EPHB1: variants seen among roughly 807,000 people sequenced by gnomAD.
The protein encoded by EPHB1 is ephrin type-B receptor 1.
EPHB1 carries 30 observed loss-of-function variants against 94.4 expected under a neutral mutation model. That is an observed-to-expected ratio of 0.32 (90% confidence interval 0.24 to 0.43). The LOEUF (loss-of-function observed/expected upper bound fraction) is 0.43. Ranked by LOEUF, EPHB1 falls within the 20% of genes least tolerant of loss-of-function variation. The pLI is 1.00. For synonymous variants in EPHB1, 522 were observed against 489.1 expected, an observed-to-expected ratio of 1.07 and a Z score of -0.89; for missense variants, 1,055 against 1,308.3, an observed-to-expected ratio of 0.81 and a Z score of 2.99.
intron 4 of EPHB1, among the ~76,000 whole-genome samples, chr3:135,132,104 A>C (rs1417557220): frequency 6.6e-6 from 1 of 151,928 alleles, no homozygotes; most frequent in East Asian, 1.9e-4. Flanking sequence ...AAGTGACTAC[A>C]TGAACCTCTT....
intron 3 of EPHB1, among the ~76,000 whole-genome samples, chr3:135,093,531 G>A (rs917083153): frequency 2.0e-5 from 3 of 152,014 alleles, no homozygotes; most frequent in Non-Finnish European, 4.4e-5. Context: ...CAGCGTGGCC[G>A]ACATGATGAA....
chr3:134,974,924 C>CCTT (rs1934124740), intron 3 of EPHB1, among the ~76,000 whole-genome samples: 1 of 152,166 alleles, frequency 6.6e-6, no homozygotes, highest in East Asian at 1.9e-4. Flanking sequence ...TGCCCTTCTT[C>CCTT]CTTCTCTGCT....
intron 3 of EPHB1, among the ~76,000 whole-genome samples, chr3:134,968,274 A>G (rs1933838670): frequency 6.6e-6 from 1 of 152,198 alleles, no homozygotes; most frequent in African/African-American, 2.4e-5. Flanking sequence ...TTAAAAATGG[A>G]TGTTGATGTC....
intron 3 of EPHB1, among the ~76,000 whole-genome samples, chr3:134,990,333 G>T (rs928229249): frequency 2.0e-5 from 3 of 152,090 alleles, no homozygotes; most frequent in African/African-American, 7.2e-5. Flanking sequence ...CTTTGCCCCT[G>T]CTGATTCTTC....
chr3:135,104,092 G>A (rs1939122245), intron 3 of EPHB1, among the ~76,000 whole-genome samples: 1 of 152,170 alleles, frequency 6.6e-6, no homozygotes, highest in African/African-American at 2.4e-5. Flanking sequence ...GAATGCTTGA[G>A]TCATCACCTC....
chr3:135,222,776 G>A (rs1501215), intron 12 of EPHB1, among the ~76,000 whole-genome samples: 1 of 152,204 alleles, frequency 6.6e-6, no homozygotes, highest in East Asian at 1.9e-4. Context: ...ATGTCTCCAA[G>A]AGGAAGCACA....
intron 15 of EPHB1, among the ~76,000 whole-genome samples, 166 bp from the exon 16 acceptor site, chr3:135,258,846 A>T (rs561771093): frequency 1.3e-5 from 2 of 152,242 alleles, no homozygotes; most frequent in Non-Finnish European, 2.9e-5. Flanking sequence ...GAAAGTGAGC[A>T]GGAAAATCTC....
At chr3:134,894,022 T>C (rs1481742971) in intron 1 of EPHB1, among the ~76,000 whole-genome samples, 1 of 152,218 alleles carries the variant, frequency 6.6e-6, no homozygotes, top group Non-Finnish European at 1.5e-5. Context: ...TCATCCTTAT[T>C]CCACACCTCT....
intron 12 of EPHB1, among the ~76,000 whole-genome samples, chr3:135,224,667 A>G (rs1196532709): frequency 2.0e-5 from 3 of 152,216 alleles, no homozygotes; most frequent in Non-Finnish European, 4.4e-5. Flanking sequence ...GCATCCATTG[A>G]TGAGTCTTAT....
At position 135,094,866 on chromosome 3, in the gene EPHB1, T is replaced by A. The variant is rs932086124; in HGVS notation, c.806-11582T>A. On this transcript the variant is annotated intron_variant, in intron 3 of 15. Transcript: ENST00000398015. ...GGGCAGGAATCTCTGGTCAGAGGTC[T>A]GTTCCCTGTACCATTCCAAAGTCCA... is the stretch of plus-strand genomic sequence containing the variant. 2.6e-5 allele frequency among the ~76,000 whole-genome samples: 4 copies of A among 152,376 alleles called. No individual in the cohort carries two copies. In the South Asian group the frequency reaches 8.3e-4, roughly 32 times the overall value.
At chr3:134,945,467 A>G (rs1158229533) in intron 2 of EPHB1, among the ~76,000 whole-genome samples, 1 of 152,178 alleles carries the variant, frequency 6.6e-6, no homozygotes, top group South Asian at 2.1e-4. Context: ...GCACCTAGTT[A>G]TCACTACAAT....
intron 3 of EPHB1, among the ~76,000 whole-genome samples, chr3:135,103,573 T>C (rs1939104396): frequency 6.6e-6 from 1 of 152,244 alleles, no homozygotes; most frequent in Non-Finnish European, 1.5e-5. Context: ...GTGGGAGTTA[T>C]TGTGAGAAAT....
At chr3:134,947,714 A>G (rs1419915818) in intron 2 of EPHB1, among the ~76,000 whole-genome samples, 1 of 152,214 alleles carries the variant, frequency 6.6e-6, no homozygotes, top group East Asian at 1.9e-4. Context: ...GGGTCTTATA[A>G]TACCAATCAG....
At chr3:135,070,266 G>A (rs541339926) in intron 3 of EPHB1, among the ~76,000 whole-genome samples, 21 of 152,296 alleles carry the variant, frequency 1.4e-4, no homozygotes, top group Admixed American at 4.6e-4. Flanking sequence ...GTTATGGAGA[G>A]GGACTCTGGT....
At chr3:135,057,331 TCA>T (rs1391369726) in intron 3 of EPHB1, among the ~76,000 whole-genome samples, 1 of 152,154 alleles carries the variant, frequency 6.6e-6, no homozygotes, top group African/African-American at 2.4e-5. Flanking sequence ...CTGTGATTCC[TCA>T]GTGTCCACCA....
chr3:135,136,027 A>G (rs1263172747), intron 5 of EPHB1, among the ~76,000 whole-genome samples: 1 of 152,232 alleles, frequency 6.6e-6, no homozygotes, highest in Admixed American at 6.5e-5. Context: ...ATAAGAAAGC[A>G]GAGACTTAAA....
rs77406785 is a variant in EPHB1 at position 134,871,418 on chromosome 3, T to G, written c.59-54398T>G. On this transcript the variant is annotated intron_variant, in intron 1 of 15. Transcript: ENST00000398015. ...TTTGGCAGGTGAGGTCCCCAGGCACTGGAGTGAGGGGAAAGAACTGCAAGC... is the reference window on the plus strand; with the variant it reads ...TTTGGCAGGTGAGGTCCCCAGGCACGGGAGTGAGGGGAAAGAACTGCAAGC... Among the ~76,000 whole-genome samples, 1,195 of 152,166 alleles carry G rather than the reference T, an allele frequency of 7.9e-3. 8 individuals are homozygous for G. The highest frequency in any genetic ancestry group is 0.028 in the African/African-American group (1,148 of 41,506).
At chr3:134,933,485 G>C (rs1398345263) in intron 2 of EPHB1, among the ~76,000 whole-genome samples, 1 of 152,064 alleles carries the variant, frequency 6.6e-6, no homozygotes, top group African/African-American at 2.4e-5. Context: ...AGGGAGAAAG[G>C]CAGGAGAGAG....
intron 1 of EPHB1, among the ~76,000 whole-genome samples, chr3:134,873,966 C>T (rs1287194860): frequency 6.6e-6 from 1 of 151,984 alleles, no homozygotes; most frequent in East Asian, 1.9e-4. Context: ...GGGGAATTCT[C>T]CTCTCCACAA....
Sources: allele counts gnomAD v4.1 joint callset (sites outside exome capture counted in the v4.1 genomes callset), GRCh38; gene constraint gnomAD v4.1.1; transcripts MANE v1.5; gene names NCBI Gene and HGNC (gene_info 2026-07-23, HGNC 2026-07-21).